Variants in LMBRD1 observed in about 807,000 individuals in gnomAD.
LMBRD1 encodes LMBR1 domain containing 1.
In LMBRD1, 64 loss-of-function variants were observed where a neutral mutation model predicts 74.8. That is an observed-to-expected ratio of 0.86 (90% CI 0.70 to 1.05). The LOEUF (loss-of-function observed/expected upper bound fraction) is 1.05. Ranked by LOEUF, LMBRD1 falls within the 50% of genes least tolerant of loss-of-function variation. LMBRD1 has a pLI of 0.00. For synonymous variants in LMBRD1, 204 were observed against 216.3 expected (o/e 0.94, Z 0.50); for missense variants, 652 against 645.9 (o/e 1.01, Z -0.10).
chr6:69,696,582 T>C (rs1199093383), intron 14 of LMBRD1, among the ~76,000 whole-genome samples: 1 of 152,052 alleles, frequency 6.6e-6, no homozygotes, highest in Admixed American at 6.6e-5. Flanking sequence ...GTTTGTACAC[T>C]TTATTCTTCT....
intron 5 of LMBRD1, among the ~76,000 whole-genome samples, chr6:69,743,581 G>A (rs1767153859): frequency 6.6e-6 from 1 of 152,154 alleles, no homozygotes; most frequent in South Asian, 2.1e-4. Flanking sequence ...TACTTTGAAA[G>A]CATCCATCAG....
intron 7 of LMBRD1, 105 bp from the exon 8 acceptor site, chr6:69,719,186 G>GA: frequency 9.9e-7 from 1 of 1,010,678 alleles, no homozygotes; most frequent in Non-Finnish European, 1.5e-6. Context: ...CAGCAGTTGT[G>GA]AAAGAGTACA....
chr6:69,698,332 A>G (rs1262393761), intron 13 of LMBRD1, among the ~76,000 whole-genome samples: 1 of 152,058 alleles, frequency 6.6e-6, no homozygotes, highest in African/African-American at 2.4e-5. Flanking sequence ...GATAAAAAAG[A>G]AATGATCTGG....
chr6:69,788,757 T>C (rs1766015543), intron 2 of LMBRD1, among the ~76,000 whole-genome samples: 1 of 152,206 alleles, frequency 6.6e-6, no homozygotes, highest in African/African-American at 2.4e-5. Flanking sequence ...TGAAAAAATG[T>C]AGAATCACTA....
intron 3 of LMBRD1, 74 bp from the exon 4 acceptor site, chr6:69,752,430 T>C (rs886841695): frequency 8.2e-6 from 10 of 1,217,850 alleles, no homozygotes; most frequent in Non-Finnish European, 1.1e-5. Context: ...TCTATATGTA[T>C]ATATATTCAC....
intron 14 of LMBRD1, among the ~76,000 whole-genome samples, chr6:69,695,838 G>C (rs766476965): frequency 1.3e-4 from 14 of 104,430 alleles, no homozygotes; most frequent in Non-Finnish European, 2.7e-4. Context: ...TCTAACCTTA[G>C]TACTTTTTTT....
At chr6:69,736,194 C>A (rs1337466822) in intron 7 of LMBRD1, among the ~76,000 whole-genome samples, 1 of 152,138 alleles carries the variant, frequency 6.6e-6, no homozygotes, top group Admixed American at 6.5e-5. Flanking sequence ...CTAATTGACC[C>A]CCCCTCCGCC....
chr6:69,744,083 T>C (rs907393036), intron 5 of LMBRD1, among the ~76,000 whole-genome samples: 9 of 152,200 alleles, frequency 5.9e-5, no homozygotes, highest in African/African-American at 2.2e-4. Flanking sequence ...TTATCAGGTA[T>C]ACTAAAGCAT....
chr6:69,708,070 A>G (rs1324401412), intron 9 of LMBRD1, among the ~76,000 whole-genome samples: 1 of 152,194 alleles, frequency 6.6e-6, no homozygotes, highest in African/African-American at 2.4e-5. Context: ...TATATATAGT[A>G]AAATCTCAAG....
chr6:69,748,112 T>C (rs11969244), intron 5 of LMBRD1, among the ~76,000 whole-genome samples: 16,912 of 152,188 alleles, frequency 0.11, 2,633 homozygotes, highest in African/African-American at 0.35. Context: ...TGTTTATAAA[T>C]AAAGTTTTCC....
chr6:69,745,206 C>T (rs1351552357), intron 5 of LMBRD1, among the ~76,000 whole-genome samples: 1 of 151,870 alleles, frequency 6.6e-6, no homozygotes, highest in Non-Finnish European at 1.5e-5. Context: ...AATATATACA[C>T]ATCTTCACTG....
chr6:69,722,756 G>A (rs922340336), intron 7 of LMBRD1, among the ~76,000 whole-genome samples: 3 of 151,928 alleles, frequency 2.0e-5, no homozygotes, highest in African/African-American at 7.2e-5. Context: ...TTCACTAAAA[G>A]GAAGACAAGA....
intron 12 of LMBRD1, 116 bp from the exon 13 acceptor site, chr6:69,699,308 C>A (rs1766077311): frequency 2.2e-6 from 2 of 915,196 alleles, no homozygotes; most frequent in Non-Finnish European, 3.4e-6. Flanking sequence ...TATTTTTCTT[C>A]CAAAGTAAAT....
chr6:69,794,691 A>C (rs959176024), intron 1 of LMBRD1, among the ~76,000 whole-genome samples: 4 of 152,254 alleles, frequency 2.6e-5, no homozygotes, highest in Non-Finnish European at 5.9e-5. Context: ...TGAGCTTGAC[A>C]ACTCTTCAAT....
rs574168567 is a variant in LMBRD1 at position 69,712,759 on chromosome 6, C to T, written c.915+886G>A. ...AAAAGAGTTGTCATCTAAGGGGAGG[C>T]AGTTACACAAGATGAATAAGTTCCA... On this transcript the variant is annotated intron_variant, in intron 9 of 15. Coordinates refer to ENST00000649934, the MANE Select transcript of LMBRD1 (RefSeq NM_018368.4). 2.0e-5 allele frequency among the ~76,000 whole-genome samples: 3 copies of T among 152,168 alleles called. No homozygotes were observed. In the South Asian group the frequency reaches 6.2e-4, roughly 32 times the overall value.
chr6:69,761,633 C>T (rs1765375477), intron 3 of LMBRD1, among the ~76,000 whole-genome samples: 1 of 152,202 alleles, frequency 6.6e-6, no homozygotes, highest in African/African-American at 2.4e-5. Context: ...CTTTTCCCAA[C>T]AACTTTGATA....
intron 2 of LMBRD1, among the ~76,000 whole-genome samples, chr6:69,782,664 G>C (rs974896284): frequency 6.8e-5 from 10 of 146,242 alleles, no homozygotes; most frequent in Middle Eastern, 3.4e-3. Context: ...CTGAGCAACA[G>C]AGCAAGACTC....
chr6:69,776,071 T>A (rs1375701366), intron 3 of LMBRD1, among the ~76,000 whole-genome samples: 1 of 152,260 alleles, frequency 6.6e-6, no homozygotes, highest in African/African-American at 2.4e-5. Context: ...GTTTTTTCAA[T>A]GTATAATGAT....
intron 4 of LMBRD1, among the ~76,000 whole-genome samples, chr6:69,750,614 G>GA (rs369751739): frequency 2.0e-5 from 3 of 151,816 alleles, no homozygotes; most frequent in African/African-American, 4.8e-5. Flanking sequence ...TATTCTTTAG[G>GA]AAAAAAACTA....
Sources: allele counts gnomAD v4.1 joint callset (sites outside exome capture counted in the v4.1 genomes callset), GRCh38; gene constraint gnomAD v4.1.1; transcripts MANE v1.5; gene names NCBI Gene and HGNC (gene_info 2026-07-23, HGNC 2026-07-21).